Variants in GPC5 observed in about 807,000 individuals in gnomAD.
GPC5 encodes the protein glypican-5.
GPC5 carries 47 observed loss-of-function variants against 53.9 expected under a neutral mutation model. The observed-to-expected ratio is 0.87, with a 90% CI of 0.69 to 1.11. The LOEUF (loss-of-function observed/expected upper bound fraction) is 1.11, where lower values mean the gene tolerates loss of function less well. Ranked by LOEUF, GPC5 falls within the 50% of genes most tolerant of loss-of-function variation. The pLI, the probability that GPC5 is intolerant of heterozygous loss-of-function variation, is 0.00. For missense variants in GPC5, 748 were observed against 713.1 expected (o/e 1.05, Z -0.56); for synonymous variants, 286 against 263.3 (o/e 1.09, Z -0.84).
chr13:91,431,931 G>A (rs754770755), intron 1 of GPC5, among the ~76,000 whole-genome samples: 87 of 152,278 alleles, frequency 5.7e-4, no homozygotes, highest in East Asian at 1.9e-4. Flanking sequence ...GAAGCAAATC[G>A]ATCCTTGAAA....
chr13:92,559,574 A>G (rs1265358035), intron 7 of GPC5, among the ~76,000 whole-genome samples: 1 of 151,522 alleles, frequency 6.6e-6, no homozygotes, highest in Non-Finnish European at 1.5e-5. Flanking sequence ...TCCAACAGGC[A>G]ATATTCTTTT....
At chr13:92,344,082 G>A (rs60704336) in intron 7 of GPC5, among the ~76,000 whole-genome samples, 43,246 of 151,782 alleles carry the variant, frequency 0.28, 6,324 homozygotes, top group South Asian at 0.4. Context: ...TCCTTCTAAG[G>A]TTTCTAGAAA....
chr13:91,780,635 T>C (rs933311790), intron 5 of GPC5, among the ~76,000 whole-genome samples: 2 of 152,198 alleles, frequency 1.3e-5, no homozygotes, highest in Non-Finnish European at 2.9e-5. Flanking sequence ...TGTTAAAATA[T>C]CATAATTGCT....
chr13:92,573,934 C>T (rs1022661200), intron 7 of GPC5, among the ~76,000 whole-genome samples: 1 of 152,142 alleles, frequency 6.6e-6, no homozygotes, highest in Non-Finnish European at 1.5e-5. Context: ...CTGGTCTGGG[C>T]AAACCGACGA....
intron 7 of GPC5, among the ~76,000 whole-genome samples, chr13:92,451,290 T>G (rs1393869411): frequency 6.6e-6 from 1 of 152,146 alleles, no homozygotes; most frequent in East Asian, 1.9e-4. Context: ...AATTTAGCAG[T>G]GCATTACAAA....
chr13:91,650,804 A>G (rs2139554532), intron 2 of GPC5, among the ~76,000 whole-genome samples: 1 of 144,954 alleles, frequency 6.9e-6, no homozygotes, highest in East Asian at 2.1e-4. Context: ...TTTGTTCTCA[A>G]CTGGGGGAAA....
At chr13:91,515,965 A>ACC (rs1391405235) in intron 2 of GPC5, among the ~76,000 whole-genome samples, 2 of 152,108 alleles carry the variant, frequency 1.3e-5, no homozygotes, top group Non-Finnish European at 2.9e-5. Flanking sequence ...CCCCTGATAA[A>ACC]CCCATCAGAT....
At chr13:92,697,937 G>C (rs1887607006) in intron 7 of GPC5, among the ~76,000 whole-genome samples, 1 of 152,162 alleles carries the variant, frequency 6.6e-6, no homozygotes, top group Non-Finnish European at 1.5e-5. Context: ...GGCCTTTACT[G>C]TATCTATTGA....
chr13:92,479,479 G>A (rs746940031), intron 7 of GPC5, among the ~76,000 whole-genome samples: 50 of 152,158 alleles, frequency 3.3e-4, no homozygotes, highest in Admixed American at 5.9e-4. Flanking sequence ...CAATTAGAGT[G>A]GTCTGAGGAG....
chr13:92,391,872 C>T (rs1875018431), intron 7 of GPC5, among the ~76,000 whole-genome samples: 1 of 152,156 alleles, frequency 6.6e-6, no homozygotes, highest in Non-Finnish European at 1.5e-5. Flanking sequence ...GAAGATTTCT[C>T]ACAGCAAAGC....
chr13:91,707,970 G>T (rs952284324), intron 3 of GPC5, among the ~76,000 whole-genome samples: 4 of 152,034 alleles, frequency 2.6e-5, no homozygotes, highest in Non-Finnish European at 4.4e-5. Context: ...ATATTTTTTG[G>T]TAATAAAAAG....
At position 92,561,601 on chromosome 13, in the gene GPC5, TAGAG is replaced by T. The variant is rs1433237815; in HGVS notation, c.1562-304679_1562-304676del. ...TCCACACAGGTTACATGGTCATAAATAGAGAAATTTCTAGATTTCTTTAAAATGT... is the reference window on the plus strand; with the variant it reads ...TCCACACAGGTTACATGGTCATAAATAAATTTCTAGATTTCTTTAAAATGT... On this transcript the variant is annotated intron_variant, in intron 7 of 7. Transcript: ENST00000377067. Among the ~76,000 whole-genome samples the T allele has an allele frequency of 2.0e-5, 3 of 152,182 alleles. No individual in the cohort carries two copies. In the East Asian group the frequency reaches 5.8e-4, roughly 29 times the overall value.
intron 7 of GPC5, among the ~76,000 whole-genome samples, chr13:92,585,188 C>T (rs181219331): frequency 1.9e-4 from 29 of 152,160 alleles, no homozygotes; most frequent in South Asian, 4.2e-4. Flanking sequence ...TTGTACCATG[C>T]GCCTGGAAAA....
intron 6 of GPC5, among the ~76,000 whole-genome samples, chr13:91,974,733 T>C (rs1349143032): frequency 6.6e-6 from 1 of 152,168 alleles, no homozygotes; most frequent in African/African-American, 2.4e-5. Context: ...CCCATCAAGT[T>C]ACCAATGACT....
chr13:92,008,381 C>T lies in GPC5; in HGVS notation c.1401+100324C>T, dbSNP rs1039512113. Among the ~76,000 whole-genome samples the T allele has an allele frequency of 1.8e-4, 27 of 152,108 alleles. 1 individual carries two copies. Among genetic ancestry groups the T allele is most frequent in the Admixed American group, 8.5e-4 (13 of 15,288 alleles). On this transcript the variant is annotated intron_variant, in intron 6 of 7. Transcript: ENST00000377067. ...CCGGCCGAAAATGTTTTATATTTAC[C>T]TACAGATTGAACATTTTTCATTTTT... is the stretch of plus-strand genomic sequence containing the variant.
Position 92,836,113 on chromosome 13 carries a change from TTTTG to T in GPC5, c.1562-30165_1562-30162del, listed in dbSNP as rs569758779. 4.3e-3 allele frequency among the ~76,000 whole-genome samples: 649 copies of T among 152,216 alleles called. 3 individuals are homozygous for T. The highest frequency in any genetic ancestry group is 6.1e-3 in the Non-Finnish European group (417 of 67,922). ...GCAGTGAAATATTTTCCAAAATTAC[TTTTG>T]TTTATCAACTTTAAGTATAATTTGC... On this transcript the variant is annotated intron_variant, in intron 7 of 7. Coordinates refer to ENST00000377067, the MANE Select transcript of GPC5 (RefSeq NM_004466.6).
At chr13:92,210,024 A>C (rs948046874) in intron 7 of GPC5, among the ~76,000 whole-genome samples, 3 of 152,054 alleles carry the variant, frequency 2.0e-5, no homozygotes, top group Admixed American at 6.6e-5. Flanking sequence ...GCCTGCTTTT[A>C]TTCTAGCCAT....
chr13:91,406,823 C>A (rs1877358083), intron 1 of GPC5, among the ~76,000 whole-genome samples: 1 of 152,186 alleles, frequency 6.6e-6, no homozygotes, highest in African/African-American at 2.4e-5. Flanking sequence ...CAAAGCACCA[C>A]CCAAATAAAG....
chr13:91,589,879 A>T (rs560433808), intron 2 of GPC5, among the ~76,000 whole-genome samples: 1 of 152,238 alleles, frequency 6.6e-6, no homozygotes, highest in East Asian at 1.9e-4. Flanking sequence ...TTCCTTGCTA[A>T]ATTTTTAACT....
Sources: gnomAD v4.1 joint callset for allele counts (sites outside exome capture counted in the v4.1 genomes callset) on GRCh38, gnomAD v4.1.1 for gene constraint, MANE v1.5 for transcripts, NCBI Gene and HGNC (gene_info 2026-07-23, HGNC 2026-07-21) for gene names.